The following VIL1 variants were observed in gnomAD, a reference collection of about 807,000 sequenced individuals.
The protein encoded by VIL1 is villin-1.
A neutral mutation model predicts 104.0 loss-of-function variants in VIL1; 86 were observed. The observed-to-expected ratio is 0.83, with a 90% CI of 0.69 to 0.99. The LOEUF (loss-of-function observed/expected upper bound fraction) is 0.99. Ranked by LOEUF, VIL1 falls within the 50% of genes least tolerant of loss-of-function variation. VIL1 has a pLI of 0.00. For synonymous variants in VIL1, 394 were observed against 412.6 expected (o/e 0.95, Z 0.55); for missense variants, 944 against 1,054.1 (o/e 0.90, Z 1.45).
Position 218,434,539 on chromosome 2 carries a change from G to C in VIL1, c.1514G>C (p.Arg505Pro). ...RMVVYQGGTSRTNNLETGPST... is the reference protein window; with the variant it reads ...RMVVYQGGTSPTNNLETGPST... ...CCTCACCTGCAGGGAGGCACCTCCC[G>C]AACTAACAACTTGGAGACCGGGCCC... The change falls in exon 14 of 20, where the codon CGA (arginine) becomes CCA (proline). Residue 505 changes from arginine (R) to proline (P), a missense_variant. Physicochemically the swap from Arg to Pro is moderately radical, Grantham distance 103 (BLOSUM62 -2). Coordinates refer to ENST00000248444, the MANE Select transcript of VIL1 (RefSeq NM_007127.3). The C allele has an allele frequency of 1.2e-6, 2 of 1,611,970 alleles. No individual in the cohort carries two copies. The highest frequency in any genetic ancestry group is 1.7e-6 in the Non-Finnish European group (2 of 1,179,178).
chr2:218,432,102 C>G lies in VIL1; in HGVS notation c.1260C>G (p.His420Gln). The G allele has an allele frequency of 6.2e-7, 1 of 1,614,140 alleles. No individual in the cohort carries two copies. Residue 420 changes from histidine to glutamine, a missense_variant, in exon 12 of 20, where the codon CAC becomes CAG. Coordinates refer to ENST00000248444, the MANE Select transcript of VIL1 (RefSeq NM_007127.3). Reference protein sequence around the residue: ...LVPVDSKWLGHFYGGDCYLLL... With the variant: ...LVPVDSKWLGQFYGGDCYLLL... ...CTGTGGATTCCAAGTGGCTAGGCCA[C>G]TTCTATGGGGGCGACTGCTACCTGC...
chr2:218,428,007 G>A lies in VIL1; in HGVS notation c.390G>A (p.Glu130=), dbSNP rs756628979. 4 of 1,614,182 alleles carry A rather than the reference G, an allele frequency of 2.5e-6. No homozygotes were observed. Among genetic ancestry groups the A allele is most frequent in the Admixed American group, 3.3e-5 (2 of 60,016 alleles). ...TGGCTTCTGGCATGAAGCACGTGGA[G>A]ACCAACTCCTATGACGTCCAGAGGC... is the stretch of plus-strand genomic sequence containing the variant. ...GGVASGMKHV[E]TNSYDVQRLL... Residue 130 remains glutamate, a synonymous_variant, in exon 5 of 20, where the codon GAG becomes GAA. Transcript: ENST00000248444.
At chr2:218,429,981 G>T (rs758688144) in intron 9 of VIL1, 34 bp downstream of exon 9, 1 of 1,576,592 alleles carries the variant, frequency 6.3e-7, no homozygotes, top group South Asian at 1.1e-5. Flanking sequence ...TCCAGGAGGA[G>T]GGCAGAGTGA....
Position 218,425,747 on chromosome 2 carries a change from C to T in VIL1, c.283C>T (p.Gln95Ter). 1 of 1,614,144 alleles carries T rather than the reference C, an allele frequency of 6.2e-7. No homozygotes were observed. The highest frequency in any genetic ancestry group is 8.5e-7 in the Non-Finnish European group (1 of 1,180,000). Residue 95 changes from glutamine to a stop codon, truncating the protein, a stop_gained, in exon 4 of 20, where the codon CAG becomes TAG. Coordinates refer to ENST00000248444, the MANE Select transcript of VIL1 (RefSeq NM_007127.3). LOFTEE classifies it high-confidence loss of function. Reference sequence around the variant, plus strand: ...TGACTTCCTGAAGGGCCGGGCTGTGCAGCACCGCGAGGTCCAGGGCAACGA... The same window carrying T: ...TGACTTCCTGAAGGGCCGGGCTGTGTAGCACCGCGAGGTCCAGGGCAACGA... ...MDDFLKGRAV[Q>*]HREVQGNESE...
chr2:218,449,021 A>C (rs935926421), intron 19 of VIL1, among the ~76,000 whole-genome samples: 6 of 149,356 alleles, frequency 4.0e-5, no homozygotes, highest in African/African-American at 1.5e-4. Flanking sequence ...AAAAAAAATC[A>C]GGGATAAACC....
At chr2:218,430,214 C>T (rs1388014151) in intron 9 of VIL1, among the ~76,000 whole-genome samples, 1 of 152,104 alleles carries the variant, frequency 6.6e-6, no homozygotes, top group African/African-American at 2.4e-5. Context: ...TGTGGGCTCT[C>T]ACCTCCCTGC....
Position 218,429,949 on chromosome 2 carries a change from TA to T in VIL1, c.948+3del. The T allele has an allele frequency of 6.3e-7, 1 of 1,578,404 alleles. No homozygotes were observed. Among genetic ancestry groups the T allele is most frequent in the Non-Finnish European group, 8.6e-7 (1 of 1,158,660 alleles). On this transcript the variant is annotated splice_donor_region_variant and intron_variant, in intron 9 of 19. Transcript: ENST00000248444. ...AAGGGAGCCATGAGCCATGCGCTGG[TA>T]GTGGTGGGGGCGGGGGAGGGTCCAG...
Position 218,429,680 on chromosome 2 carries a change from G to A in VIL1, c.849+5G>A, listed in dbSNP as rs200019339. The A allele has an allele frequency of 6.2e-6, 10 of 1,614,074 alleles. No homozygotes were observed. Among genetic ancestry groups the A allele is most frequent in the East Asian group, 2.2e-5 (1 of 44,876 alleles). On this transcript the variant is annotated splice_donor_5th_base_variant and intron_variant, in intron 8 of 19. Transcript: ENST00000248444. ...CAGGACCTGCTCAGTCACGAGGTAA[G>A]AGGGTCTGGAGACCCCTCAGCCTAC...
In VIL1 at chr2:218,434,559, G is replaced by A. The variant is rs1420602840; in HGVS notation, c.1534G>A (p.Gly512Arg). The change falls in exon 14 of 20, where the codon GGG becomes AGG. Residue 512 changes from glycine (G) to arginine (R), a missense_variant. Coordinates refer to ENST00000248444, the MANE Select transcript of VIL1 (RefSeq NM_007127.3). ...GTSRTNNLET[G>R]PSTRLFQVQG... Reference sequence around the variant, plus strand: ...CTCCCGAACTAACAACTTGGAGACCGGGCCCTCCACACGGCTGTTCCAGGT... The same window carrying A: ...CTCCCGAACTAACAACTTGGAGACCAGGCCCTCCACACGGCTGTTCCAGGT... 3.1e-6 allele frequency: 5 copies of A among 1,613,562 alleles called. No homozygotes were observed. The highest frequency in any genetic ancestry group is 1.7e-5 in the Admixed American group (1 of 59,894).
chr2:218,425,540 G>C (rs908517171), intron 3 of VIL1, 75 bp from the exon 4 acceptor site: 1 of 1,501,884 alleles, frequency 6.7e-7, no homozygotes, highest in Non-Finnish European at 9.2e-7. Flanking sequence ...GACGGCACGT[G>C]TGTGGGAGGT....
chr2:218,442,446 T>C (rs1356987800), intron 19 of VIL1, among the ~76,000 whole-genome samples: 1 of 152,176 alleles, frequency 6.6e-6, no homozygotes, highest in Non-Finnish European at 1.5e-5. Context: ...TTTTTGTGTA[T>C]GTGTGGGGAA....
intron 4 of VIL1, among the ~76,000 whole-genome samples, chr2:218,427,716 C>A (rs76085135): frequency 2.6e-5 from 4 of 152,168 alleles, no homozygotes; most frequent in Admixed American, 2.6e-4. Context: ...GAGTGAAGAT[C>A]TAGGGTGCAG....
rs747145308 is a variant in VIL1 at position 218,429,992 on chromosome 2, T to C, written c.948+45T>C. ...AGGGTCCAGGAGGAGGGCAGAGTGA[T>C]GGGAGGGAGAGAGCAGATAGCAGCA... is the stretch of plus-strand genomic sequence containing the variant. On this transcript the variant is annotated intron_variant, in intron 9 of 19. Transcript: ENST00000248444. 11 of 1,536,044 alleles carry C rather than the reference T, an allele frequency of 7.2e-6. No homozygotes were observed. The African/African-American group carries it at 1.3e-4, about 17-fold the overall frequency.
At chr2:218,423,964 C>T in intron 2 of VIL1, 111 bp downstream of exon 2, 1 of 1,266,248 alleles carries the variant, frequency 7.9e-7, no homozygotes, top group Admixed American at 2.0e-5. Context: ...GCCCTGAAGC[C>T]CCTGAGAGCT....
chr2:218,442,080 C>T (rs948508494), intron 19 of VIL1, among the ~76,000 whole-genome samples: 33 of 152,148 alleles, frequency 2.2e-4, no homozygotes, highest in Admixed American at 1.8e-3. Context: ...TTAGGAGAGA[C>T]AGCACAGCTG....
chr2:218,441,974 T>C (rs116774077), intron 19 of VIL1, among the ~76,000 whole-genome samples: 3,156 of 151,340 alleles, frequency 0.021, 51 homozygotes, highest in Non-Finnish European at 0.031. Context: ...GCGACAAGAG[T>C]GTAACTCCAT....
At chr2:218,419,943 C>T (rs1688871161) in intron 1 of VIL1, among the ~76,000 whole-genome samples, 1 of 152,134 alleles carries the variant, frequency 6.6e-6, no homozygotes, top group Non-Finnish European at 1.5e-5. Flanking sequence ...AGGGTCTTGG[C>T]GGGTGTCCAT....
At position 218,432,191 on chromosome 2, in the gene VIL1, C is replaced by T; in HGVS notation, c.1341+8C>T. On this transcript the variant is annotated splice_region_variant and intron_variant, in intron 12 of 19. Coordinates refer to ENST00000248444, the MANE Select transcript of VIL1 (RefSeq NM_007127.3). ...CTGCTCTACGTTTGGCAGGTCAGGT[C>T]CCGCCACGTCCCACCCAGAGCACAG... is the stretch of plus-strand genomic sequence containing the variant. 6.2e-7 allele frequency: 1 copy of T among 1,609,498 alleles called. No homozygotes were observed. The highest frequency in any genetic ancestry group is 8.5e-7 in the Non-Finnish European group (1 of 1,178,810).
Position 218,437,108 on chromosome 2 carries a change from C to G in VIL1, c.1972-16C>G. On this transcript the variant is annotated splice_polypyrimidine_tract_variant and intron_variant, in intron 16 of 19. Coordinates refer to ENST00000248444, the MANE Select transcript of VIL1 (RefSeq NM_007127.3). ...AGGACAGGAAGGATGGACTGATCCC[C>G]TGGGTTTCTCAATAGGTCTTCTTCT... The G allele has an allele frequency of 6.2e-7, 1 of 1,610,544 alleles. No homozygotes were observed. The highest frequency in any genetic ancestry group is 1.1e-5 in the South Asian group (1 of 90,948).
Sources: allele counts gnomAD v4.1 joint callset (sites outside exome capture counted in the v4.1 genomes callset), GRCh38; gene constraint gnomAD v4.1.1; transcripts MANE v1.5; gene names NCBI Gene and HGNC (gene_info 2026-07-23, HGNC 2026-07-21).